The following TRPM8 variants were observed in gnomAD, a reference collection of about 807,000 sequenced individuals.
TRPM8 encodes the protein transient receptor potential cation channel subfamily M member 8.
Under a neutral mutation model 133.7 loss-of-function variants are expected in TRPM8, and 110 were observed. That is an observed-to-expected ratio of 0.82 (90% CI 0.70 to 0.96). The LOEUF is 0.96. TRPM8 is among the 40% of genes least tolerant of loss of function. TRPM8 has a pLI of 0.00. For missense variants in TRPM8, 1,291 were observed against 1,379.5 expected, an observed-to-expected ratio of 0.94 and a Z score of 1.02; for synonymous variants, 535 against 532.3, an observed-to-expected ratio of 1.01 and a Z score of -0.07.
At position 233,989,136 on chromosome 2, in the gene TRPM8, A is replaced by C. The variant is rs1004329870; in HGVS notation, c.2939+3271A>C. ...ATTTAGAGCTTTTTTGAATCTATGC[A>C]CATGAGCTGTCTGAAGGAGCCATTC... On this transcript the variant is annotated intron_variant, in intron 21 of 25. Coordinates refer to ENST00000324695, the MANE Select transcript of TRPM8 (RefSeq NM_024080.5). The surrounding 1 kb of genome is among the most constrained non-coding windows in gnomAD (Gnocchi z 4.2). Among the ~76,000 whole-genome samples, 1 of 152,214 alleles carries C rather than the reference A, an allele frequency of 6.6e-6. No homozygotes were observed. The highest frequency in any genetic ancestry group is 1.5e-5 in the Non-Finnish European group (1 of 68,040).
At chr2:233,981,963 G>A in intron 19 of TRPM8, 48 bp downstream of exon 19, 1 of 1,547,552 alleles carries the variant, frequency 6.5e-7, no homozygotes, top group Non-Finnish European at 8.7e-7. Flanking sequence ...GCGGGGCCCA[G>A]AGTTCTTTTA....
intron 2 of TRPM8, among the ~76,000 whole-genome samples, chr2:233,930,032 G>T (rs144272229): frequency 2.6e-4 from 40 of 152,262 alleles, no homozygotes; most frequent in African/African-American, 9.1e-4. Context: ...CTGATGTACA[G>T]TGCTTATATA....
intron 20 of TRPM8, 58 bp from the exon 21 acceptor site, chr2:233,985,630 C>T (rs2125302381): frequency 6.6e-7 from 1 of 1,525,418 alleles, no homozygotes; most frequent in Non-Finnish European, 9.0e-7. Context: ...CTGGGAATGC[C>T]ATCGCTCTCA....
chr2:233,938,832 G>C (rs1466153532), intron 4 of TRPM8, among the ~76,000 whole-genome samples, 166 bp from the exon 5 acceptor site: 1 of 152,082 alleles, frequency 6.6e-6, no homozygotes, highest in African/African-American at 2.4e-5. Flanking sequence ...ATGGGGCCTT[G>C]GCACGGCGCC....
Position 234,000,524 on chromosome 2 carries a change from C to T in TRPM8, c.3130+4008C>T, listed in dbSNP as rs191370162. On this transcript the variant is annotated intron_variant, in intron 22 of 25. Coordinates refer to ENST00000324695, the MANE Select transcript of TRPM8 (RefSeq NM_024080.5). Reference sequence around the variant, plus strand: ...AATTATTCAGTTATCTTGTTACAGTCAGGGAGGAAAAATATCTTTTCCTCT... The same window carrying T: ...AATTATTCAGTTATCTTGTTACAGTTAGGGAGGAAAAATATCTTTTCCTCT... 4.9e-4 allele frequency among the ~76,000 whole-genome samples: 74 copies of T among 152,246 alleles called. 1 individual carries two copies. The East Asian group carries it at 0.011, about 23-fold the overall frequency.
intron 3 of TRPM8, 178 bp from the exon 4 acceptor site, chr2:233,937,175 C>T (rs1302592954): frequency 5.8e-6 from 4 of 693,822 alleles, no homozygotes; most frequent in South Asian, 2.1e-5. Context: ...AGATTACAGG[C>T]GTGAGCCACC....
intron 22 of TRPM8, among the ~76,000 whole-genome samples, chr2:234,004,289 C>T (rs752339088): frequency 1.7e-4 from 26 of 152,312 alleles, no homozygotes; most frequent in Middle Eastern, 6.8e-3. Context: ...TCTCCACCCT[C>T]GGGTGGTGTG....
In TRPM8 at chr2:233,949,961, T is replaced by C. The variant is rs1289307912; in HGVS notation, c.955T>C (p.Ser319Pro). Reference sequence around the variant, plus strand: ...CTCCTTCCTCCAGGCCATCAATACCTCCATCAAAAATAAAATTCCTTGTGT... The same window carrying C: ...CTCCTTCCTCCAGGCCATCAATACCCCCATCAAAAATAAAATTCCTTGTGT... ...GKETLKAINT[S>P]IKNKIPCVVV... Residue 319 changes from serine (S) to proline (P), a missense_variant, in exon 9 of 26, where the codon TCC becomes CCC. By Grantham distance (74) the Ser-to-Pro change is moderately conservative (BLOSUM62 -1). Around this residue, in one of 2 missense-constraint regions of TRPM8, gnomAD observed 963 missense variants for 968.9 expected, o/e 0.99. Transcript: ENST00000324695. The C allele has an allele frequency of 1.2e-6, 2 of 1,614,076 alleles. No homozygotes were observed. Among genetic ancestry groups the C allele is most frequent in the Non-Finnish European group, 1.7e-6 (2 of 1,180,016 alleles).
In TRPM8 at chr2:233,950,024, G is replaced by A. The variant is rs763830658; in HGVS notation, c.1018G>A (p.Ala340Thr). The A allele has an allele frequency of 8.1e-6, 13 of 1,614,020 alleles. No individual in the cohort carries two copies. The highest frequency in any genetic ancestry group is 1.7e-5 in the Admixed American group (1 of 60,010). Residue 340 changes from alanine to threonine, a missense_variant, in exon 9 of 26, where the codon GCT (alanine) becomes ACT (threonine). Physicochemically the swap from Ala to Thr is moderately conservative, Grantham distance 58 (BLOSUM62 0). Coordinates refer to ENST00000324695, the MANE Select transcript of TRPM8 (RefSeq NM_024080.5). ...EGSGQIADVIASLVEVEDALT... is the reference protein window; with the variant it reads ...EGSGQIADVITSLVEVEDALT... The stretch of plus-strand genomic sequence containing the variant: ...CTCGGGCCAGATCGCTGATGTGATC[G>A]CTAGCCTGGTGGAGGTGGAGGATGC...
At chr2:233,981,972 T>C in intron 19 of TRPM8, 57 bp downstream of exon 19, 2 of 1,525,122 alleles carry the variant, frequency 1.3e-6, no homozygotes, top group Non-Finnish European at 1.8e-6. Flanking sequence ...AGAGTTCTTT[T>C]AATGGTCGAT....
intron 11 of TRPM8, among the ~76,000 whole-genome samples, chr2:233,958,324 A>T (rs2125162030): frequency 6.6e-6 from 1 of 152,320 alleles, no homozygotes. Context: ...ACATGGCTGG[A>T]AAATGGTAGA....
intron 17 of TRPM8, among the ~76,000 whole-genome samples, chr2:233,970,836 T>G (rs939549270): frequency 3.9e-5 from 6 of 152,132 alleles, no homozygotes; most frequent in Admixed American, 3.9e-4. Flanking sequence ...GCATGTCAGA[T>G]TGACAATGTT....
Position 233,980,257 on chromosome 2 carries a change from T to A in TRPM8, c.2425T>A (p.Phe809Ile). The change falls in exon 18 of 26, where the codon TTC becomes ATC. Residue 809 changes from phenylalanine (F) to isoleucine (I), a missense_variant. Physicochemically the swap from Phe to Ile is conservative, Grantham distance 21 (BLOSUM62 0). Around this residue, in one of 2 missense-constraint regions of TRPM8, gnomAD observed 328 missense variants for 410.6 expected, o/e 0.80. Transcript: ENST00000324695. ...NVMDTLGLFY[F>I]IAGIVFRLHS... is the part of the protein sequence containing the mutation. ...GATGGACACGCTGGGGCTTTTTTAC[T>A]TCATAGCAGGAATTGTATTTCGGTA... 3 of 1,598,862 alleles carry A rather than the reference T, an allele frequency of 1.9e-6. No homozygotes were observed. Among genetic ancestry groups the A allele is most frequent in the Non-Finnish European group, 1.7e-6 (2 of 1,175,810 alleles).
chr2:233,933,293 G>A, intron 3 of TRPM8, among the ~76,000 whole-genome samples: 1 of 152,158 alleles, frequency 6.6e-6, no homozygotes, highest in Admixed American at 6.5e-5. Flanking sequence ...GCCACATCTG[G>A]CTATTGATCA....
rs1559516195 is a variant in TRPM8 at position 233,927,787 on chromosome 2, TTTCTTTTCTTTCCTTCCTTCCTTCCTTCC to T, written c.117+1137_117+1165del. Among the ~76,000 whole-genome samples, 34 of 33,652 alleles carry T rather than the reference TTTCTTTTCTTTCCTTCCTTCCTTCCTTCC, an allele frequency of 1.0e-3. 1 individual carries two copies. Among genetic ancestry groups the T allele is most frequent in the Non-Finnish European group, 1.3e-3 (29 of 22,816 alleles). The allele number at this position is 33,652 out of a possible 152,430, so 22.1% of individuals were successfully genotyped here. A position where few individuals can be genotyped will look rare whatever the true frequency, so the allele number is the denominator to read the frequency against. ...CTTTCTTTCTTTCTTTCTTTCTTTC[TTTCTTTTCTTTCCTTCCTTCCTTCCTTCC>T]TTCCTTCCTTCCTTCCTTCCTTCCT... On this transcript the variant is annotated intron_variant, in intron 2 of 25. Transcript: ENST00000324695.
At chr2:233,930,973 G>A (rs985035042) in intron 3 of TRPM8, among the ~76,000 whole-genome samples, 3 of 152,198 alleles carry the variant, frequency 2.0e-5, no homozygotes, top group African/African-American at 7.2e-5. Context: ...AAGTCGTTGA[G>A]GGAGGCTGTC....
At chr2:234,011,988 T>C (rs41127) in intron 24 of TRPM8, among the ~76,000 whole-genome samples, 5 of 152,008 alleles carry the variant, frequency 3.3e-5, no homozygotes, top group Non-Finnish European at 5.9e-5. Context: ...TTTTACTTCT[T>C]TGTTAAATTT....
chr2:233,949,847 T>G, intron 8 of TRPM8, 102 bp from the exon 9 acceptor site: 1 of 966,958 alleles, frequency 1.0e-6, no homozygotes, highest in Non-Finnish European at 1.6e-6. Flanking sequence ...CGTGTAGGGA[T>G]GTGTCCGTGT....
rs1690778117 is a variant in TRPM8, at chr2:233,937,337, C to T, written c.192-16C>T. 1.2e-6 allele frequency: 2 copies of T among 1,613,632 alleles called. No individual in the cohort carries two copies. Among genetic ancestry groups the T allele is most frequent in the East Asian group, 4.5e-5 (2 of 44,888 alleles). On this transcript the variant is annotated splice_polypyrimidine_tract_variant and intron_variant, in intron 3 of 25. Transcript: ENST00000324695. ...ATGAAATCCTTCCTTCCTGTCCACA[C>T]CATCGTGCTTATCAGGGAGAATGTG...
Sources: allele counts gnomAD v4.1 joint callset (sites outside exome capture counted in the v4.1 genomes callset), GRCh38; gene constraint gnomAD v4.1.1; regional missense constraint gnomAD v4.1.1; non-coding constraint Gnocchi (gnomAD v3.1); transcripts MANE v1.5; gene names NCBI Gene and HGNC (gene_info 2026-07-23, HGNC 2026-07-21).